Variants in PI15 observed in about 807,000 individuals in gnomAD.
The protein encoded by PI15 is 25 kDa trypsin inhibitor.
PI15 carries 18 observed loss-of-function variants against 31.0 expected under a neutral mutation model. The ratio of observed to expected loss-of-function variants is 0.58; its 90% CI spans 0.40 to 0.86. The LOEUF (loss-of-function observed/expected upper bound fraction) is 0.86. Among genes scored for constraint, PI15 ranks in the 40% least tolerant of loss-of-function variants. PI15 has a pLI of 0.00. For missense variants in PI15, 282 were observed against 328.1 expected (o/e 0.86, Z 1.09); for synonymous variants, 118 against 119.1 (o/e 0.99, Z 0.06).
intron 2 of PI15, among the ~76,000 whole-genome samples, chr8:74,831,892 C>G (rs2128763909): frequency 6.6e-6 from 1 of 152,030 alleles, no homozygotes; most frequent in Non-Finnish European, 1.5e-5. Flanking sequence ...CTCATTGAGG[C>G]TTGGATTAGT....
chr8:74,834,661 G>A (rs183809643), intron 2 of PI15, among the ~76,000 whole-genome samples: 6 of 152,170 alleles, frequency 3.9e-5, no homozygotes, highest in Non-Finnish European at 7.3e-5. Context: ...ACATATGCAC[G>A]CATGAACAGT....
intron 2 of PI15, among the ~76,000 whole-genome samples, chr8:74,836,929 AAGG>A (rs1312140273): frequency 1.3e-5 from 2 of 152,160 alleles, no homozygotes; most frequent in African/African-American, 4.8e-5. Context: ...TTGTAAAAGA[AAGG>A]AGAAGAATGG....
rs1287579767 is a variant in PI15, at chr8:74,851,915, T to A, written c.*2662T>A. On this transcript the variant is annotated 3_prime_UTR_variant, in exon 6 of 6. Coordinates refer to ENST00000260113, the MANE Select transcript of PI15 (RefSeq NM_015886.5). ...ACAACTCAGCTGAAAATATAACGGG[T>A]ATATTTGTTATTCTAACTCTATTTT... 1 of 152,106 alleles carries A rather than the reference T, an allele frequency of 6.6e-6. No homozygotes were observed. Among genetic ancestry groups the A allele is most frequent in the Non-Finnish European group, 1.5e-5 (1 of 67,934 alleles). The allele number at this position is 152,106 out of a possible 1,614,324, so 9.4% of individuals were successfully genotyped here.
intron 5 of PI15, among the ~76,000 whole-genome samples, chr8:74,847,582 T>C (rs956398637): frequency 6.6e-6 from 1 of 152,152 alleles, no homozygotes; most frequent in Non-Finnish European, 1.5e-5. Context: ...ATCAAAATTA[T>C]GCAAGAGGAA....
chr8:74,848,732 T>TATAGAGAGAGAGAGAGAG (rs1191072583), intron 5 of PI15, among the ~76,000 whole-genome samples: 10 of 136,350 alleles, frequency 7.3e-5, no homozygotes, highest in African/African-American at 2.2e-4. Flanking sequence ...TATATATATA[T>TATAGAGAGAGAGAGAGAG]AGAGAGAGAG....
intron 3 of PI15, 32 bp from the exon 4 acceptor site, chr8:74,845,096 C>T (rs760224466): frequency 6.3e-7 from 1 of 1,589,140 alleles, no homozygotes; most frequent in Admixed American, 1.7e-5. Context: ...ACCACTGCTG[C>T]ACTCTGATTT....
Position 74,854,914 on chromosome 8 carries a change from T to C in PI15, c.*5661T>C, listed in dbSNP as rs1045102244. 6.6e-6 allele frequency: 1 copy of C among 152,190 alleles called. No homozygotes were observed. Among genetic ancestry groups the C allele is most frequent in the African/African-American group, 2.4e-5 (1 of 41,454 alleles). The allele number at this position is 152,190 out of a possible 1,614,324, so 9.4% of individuals were successfully genotyped here. On this transcript the variant is annotated 3_prime_UTR_variant, in exon 6 of 6. Coordinates refer to ENST00000260113, the MANE Select transcript of PI15 (RefSeq NM_015886.5). ...TGCCTCTGATGTTGTGATATAGTAT[T>C]GTCAGTGTGTACATATATAAAACCT...
Position 74,852,835 on chromosome 8 carries a change from T to A in PI15, c.*3582T>A, listed in dbSNP as rs1811126584. ...TATGAAGGAAAAATAATGCTTAGAC[T>A]TTGGTGTAGGTTCTTCCTGTGTAGC... On this transcript the variant is annotated 3_prime_UTR_variant, in exon 6 of 6. Transcript: ENST00000260113. 5 of 152,074 alleles carry A rather than the reference T, an allele frequency of 3.3e-5. No homozygotes were observed. Among genetic ancestry groups the A allele is most frequent in the Admixed American group, 2.6e-4 (4 of 15,258 alleles). 9.4% of individuals were successfully genotyped at this position (152,074 alleles called of 1,614,324 possible).
intron 2 of PI15, among the ~76,000 whole-genome samples, chr8:74,825,816 A>AT (rs1167966345): frequency 1.3e-5 from 2 of 152,060 alleles, no homozygotes; most frequent in Non-Finnish European, 2.9e-5. Context: ...AGAATCATAG[A>AT]TAAAAAGTGG....
intron 2 of PI15, among the ~76,000 whole-genome samples, chr8:74,839,741 T>C (rs985073898): frequency 6.6e-6 from 1 of 152,184 alleles, no homozygotes; most frequent in African/African-American, 2.4e-5. Context: ...TAACAATTTG[T>C]TGCATATTTA....
intron 2 of PI15, among the ~76,000 whole-genome samples, chr8:74,829,305 T>C (rs1176695869): frequency 1.3e-5 from 2 of 152,124 alleles, no homozygotes; most frequent in Admixed American, 6.6e-5. Flanking sequence ...AAAAACCATA[T>C]AGATAGAACT....
chr8:74,827,865 T>C (rs1186721492), intron 2 of PI15, among the ~76,000 whole-genome samples: 1 of 152,188 alleles, frequency 6.6e-6, no homozygotes, highest in Non-Finnish European at 1.5e-5. Context: ...CAGTGCTGAT[T>C]ACATAGTAGG....
At chr8:74,834,741 C>G (rs1810836594) in intron 2 of PI15, among the ~76,000 whole-genome samples, 3 of 152,152 alleles carry the variant, frequency 2.0e-5, no homozygotes, top group Admixed American at 2.0e-4. Flanking sequence ...ACTGGTTGCA[C>G]TTTCTGGTTG....
At chr8:74,829,580 T>C (rs1810750856) in intron 2 of PI15, among the ~76,000 whole-genome samples, 1 of 152,144 alleles carries the variant, frequency 6.6e-6, no homozygotes, top group African/African-American at 2.4e-5. Context: ...TGAAAAACTT[T>C]GAGGTCCCTC....
chr8:74,849,254 G>A lies in PI15; in HGVS notation c.*1G>A. 2 of 1,608,194 alleles carry A rather than the reference G, an allele frequency of 1.2e-6. No homozygotes were observed. The highest frequency in any genetic ancestry group is 1.7e-6 in the Non-Finnish European group (2 of 1,176,518). The stretch of plus-strand genomic sequence containing the variant: ...AAACTACCTGTACTGGTTTAAATAA[G>A]TTTACCTTTTCCTCCAGGAAATATA... On this transcript the variant is annotated 3_prime_UTR_variant, in exon 6 of 6. Transcript: ENST00000260113.
chr8:74,838,229 T>C (rs1157088286), intron 2 of PI15, among the ~76,000 whole-genome samples: 2 of 152,068 alleles, frequency 1.3e-5, no homozygotes, highest in Non-Finnish European at 2.9e-5. Flanking sequence ...TTAACAGATT[T>C]TCTTATCATT....
chr8:74,831,875 A>AT (rs1042534736), intron 2 of PI15, among the ~76,000 whole-genome samples: 1 of 152,148 alleles, frequency 6.6e-6, no homozygotes, highest in Non-Finnish European at 1.5e-5. Flanking sequence ...CGAGACATGG[A>AT]TAAAAACTCA....
At chr8:74,844,416 CTG>C (rs981365013) in intron 3 of PI15, among the ~76,000 whole-genome samples, 2 of 144,654 alleles carry the variant, frequency 1.4e-5, no homozygotes, top group African/African-American at 5.2e-5. Context: ...AGCCCCATGA[CTG>C]TGCAGAGGCT....
At chr8:74,828,999 C>G (rs534245040) in intron 2 of PI15, among the ~76,000 whole-genome samples, 39 of 152,130 alleles carry the variant, frequency 2.6e-4, no homozygotes, top group Non-Finnish European at 1.3e-4. Flanking sequence ...TCATGTCTTG[C>G]TCTCATGAAG....
Sources: gnomAD v4.1 joint callset for allele counts (sites outside exome capture counted in the v4.1 genomes callset) on GRCh38, gnomAD v4.1.1 for gene constraint, MANE v1.5 for transcripts, NCBI Gene and HGNC (gene_info 2026-07-23, HGNC 2026-07-21) for gene names.